Variants in DNAJB4 observed in about 807,000 individuals in gnomAD.
DNAJB4 encodes DnaJ heat shock protein family (Hsp40) member B4.
A neutral mutation model predicts 26.6 loss-of-function variants in DNAJB4; 10 were observed. The ratio of observed to expected loss-of-function variants is 0.38; its 90% CI spans 0.23 to 0.64. The LOEUF (loss-of-function observed/expected upper bound fraction) is 0.64, where lower values mean the gene tolerates loss of function less well. Ranked by LOEUF, DNAJB4 falls within the 30% of genes least tolerant of loss-of-function variation. The pLI, the probability that DNAJB4 is intolerant of heterozygous loss-of-function variation, is 0.58. For synonymous variants in DNAJB4, 136 were observed against 134.8 expected (o/e 1.01, Z -0.06); for missense variants, 328 against 408.2 (o/e 0.80, Z 1.69).
At position 78,017,190 on chromosome 1, in the gene DNAJB4, A is replaced by C. The variant is rs1269914496; in HGVS notation, c.*943A>C. 1 of 152,044 alleles carries C rather than the reference A, an allele frequency of 6.6e-6. No individual in the cohort carries two copies. Among genetic ancestry groups the C allele is most frequent in the Non-Finnish European group, 1.5e-5 (1 of 67,910 alleles). 9.4% of individuals were successfully genotyped at this position (152,044 alleles called of 1,614,324 possible). Reference sequence around the variant, plus strand: ...AAACCAAAATATAGGGAAAATAAACACTAACTGCTGCTTATGGATAATGTT... The same window carrying C: ...AAACCAAAATATAGGGAAAATAAACCCTAACTGCTGCTTATGGATAATGTT... On this transcript the variant is annotated 3_prime_UTR_variant, in exon 3 of 3. Transcript: ENST00000370763.
intron 1 of DNAJB4, among the ~76,000 whole-genome samples, chr1:78,008,642 T>C (rs148708284): frequency 6.6e-6 from 1 of 152,332 alleles, no homozygotes; most frequent in African/African-American, 2.4e-5. Context: ...GATGGAAATG[T>C]TCTATAACTG....
chr1:77,982,624 A>G (rs554316663), intron 1 of DNAJB4, among the ~76,000 whole-genome samples: 1 of 152,176 alleles, frequency 6.6e-6, no homozygotes, highest in African/African-American at 2.4e-5. Context: ...ATAGTGAAAC[A>G]TCGGCTCTAC....
chr1:78,014,215 C>T (rs949351765), intron 2 of DNAJB4, among the ~76,000 whole-genome samples: 2 of 151,532 alleles, frequency 1.3e-5, no homozygotes, highest in Non-Finnish European at 2.9e-5. Flanking sequence ...TCAAGTGATT[C>T]TCTTGCCTCG....
chr1:78,004,936 G>T, upstream of DNAJB4: 1 of 653,954 alleles, frequency 1.5e-6, no homozygotes, highest in South Asian at 1.9e-5. Context: ...GAGCCGTTGG[G>T]GAAGGATTGA....
upstream of DNAJB4, chr1:77,979,186 G>C (rs1659366752): frequency 3.3e-6 from 2 of 614,236 alleles, no homozygotes; most frequent in Admixed American, 3.0e-5. Flanking sequence ...CGCTGGTGTG[G>C]GTTAGGGCTG....
At chr1:77,998,665 C>A (rs950343249) in intron 1 of DNAJB4, among the ~76,000 whole-genome samples, 6 of 151,884 alleles carry the variant, frequency 4.0e-5, no homozygotes, top group African/African-American at 1.5e-4. Context: ...CATGGCGAAA[C>A]CTCATCTGTA....
At chr1:78,002,221 ACTC>A (rs1478655958), upstream of DNAJB4, among the ~76,000 whole-genome samples, 1 of 151,744 alleles carries the variant, frequency 6.6e-6, no homozygotes, top group Non-Finnish European at 1.5e-5. Flanking sequence ...GGCTACCACT[ACTC>A]TCCCTTTTAC....
chr1:78,014,912 A>G (rs910978169), intron 2 of DNAJB4, among the ~76,000 whole-genome samples: 6 of 152,002 alleles, frequency 3.9e-5, no homozygotes, highest in Admixed American at 1.3e-4. Flanking sequence ...AGTTTGCTCT[A>G]TTATTATCTT....
Position 78,016,388 on chromosome 1 carries a change from GTCAAATAA to G in DNAJB4, c.*142_*149del, listed in dbSNP as rs1485767808. Reference sequence around the variant, plus strand: ...CATTAAATTGCATGAATAGAGACGGGTCAAATAAATAGGCAAAAGGGATTTTTACAGTT... The same window carrying G: ...CATTAAATTGCATGAATAGAGACGGGATAGGCAAAAGGGATTTTTACAGTT... On this transcript the variant is annotated 3_prime_UTR_variant, in exon 3 of 3. Coordinates refer to ENST00000370763, the MANE Select transcript of DNAJB4 (RefSeq NM_007034.5). 1.5e-6 allele frequency: 1 copy of G among 663,430 alleles called. No homozygotes were observed. Among genetic ancestry groups the G allele is most frequent in the East Asian group, 2.8e-5 (1 of 35,160 alleles). 41.1% of individuals were successfully genotyped at this position (663,430 alleles called of 1,614,324 possible).
chr1:77,990,779 C>G (rs2102592050), intron 1 of DNAJB4, among the ~76,000 whole-genome samples: 1 of 152,238 alleles, frequency 6.6e-6, no homozygotes, highest in East Asian at 1.9e-4. Flanking sequence ...TATACAGATG[C>G]TATTTCTTAC....
At position 78,013,183 on chromosome 1, in the gene DNAJB4, G is replaced by A. The variant is rs768311310; in HGVS notation, c.344G>A (p.Arg115Gln). 6 of 1,614,160 alleles carry A rather than the reference G, an allele frequency of 3.7e-6. No individual in the cohort carries two copies. The highest frequency in any genetic ancestry group is 1.7e-5 in the Admixed American group (1 of 60,020). The change falls in exon 2 of 3, where the codon CGA (arginine) becomes CAA (glutamine). Residue 115 changes from arginine to glutamine, a missense_variant. Transcript: ENST00000370763. ...SNPFEIFFGR[R>Q]MGGGRDSEEM... is the part of the protein sequence containing the mutation. ...CCCTTTGAAATTTTCTTTGGAAGAC[G>A]AATGGGTGGTGGTAGAGATTCTGAA...
At chr1:78,008,711 G>C (rs1483574140) in intron 1 of DNAJB4, among the ~76,000 whole-genome samples, 1 of 151,990 alleles carries the variant, frequency 6.6e-6, no homozygotes, top group African/African-American at 2.4e-5. Flanking sequence ...AATTGTATTT[G>C]TACAATAGGT....
intron 1 of DNAJB4, 28 bp downstream of exon 1, chr1:78,005,349 C>T (rs1211589132): frequency 2.6e-6 from 4 of 1,517,154 alleles, no homozygotes; most frequent in African/African-American, 1.6e-5. Flanking sequence ...ATCTTTCTGT[C>T]TCTTCAGCTC....
chr1:77,994,410 A>G (rs1660012014), intron 1 of DNAJB4, among the ~76,000 whole-genome samples: 1 of 151,914 alleles, frequency 6.6e-6, no homozygotes, highest in East Asian at 1.9e-4. Context: ...AAAAAAAAAA[A>G]AGAAAAAAAT....
intron 1 of DNAJB4, among the ~76,000 whole-genome samples, chr1:77,988,363 C>T (rs148483078): frequency 5.3e-5 from 8 of 152,266 alleles, no homozygotes; most frequent in Non-Finnish European, 5.9e-5. Context: ...GTCTTTCCCA[C>T]GCTGTTAAGA....
intron 1 of DNAJB4, among the ~76,000 whole-genome samples, chr1:78,012,485 C>T (rs953619969): frequency 7.3e-5 from 11 of 151,600 alleles, no homozygotes; most frequent in East Asian, 2.0e-4. Flanking sequence ...CTTACTTACC[C>T]GTGGAACAAA....
chr1:77,994,583 CTTTTTT>C (rs5775435), intron 1 of DNAJB4, among the ~76,000 whole-genome samples: 9 of 142,106 alleles, frequency 6.3e-5, no homozygotes, highest in Admixed American at 5.6e-4. Flanking sequence ...TACTCTCTCT[CTTTTTT>C]TTTTTTTTTA....
chr1:77,990,518 TAGCC>T (rs936218847), intron 1 of DNAJB4, among the ~76,000 whole-genome samples: 73 of 152,342 alleles, frequency 4.8e-4, no homozygotes, highest in Middle Eastern at 3.4e-3. Flanking sequence ...ATGAGGTAGT[TAGCC>T]AGAGAAATAG....
chr1:77,993,911 A>T (rs374293978), intron 1 of DNAJB4, among the ~76,000 whole-genome samples: 1 of 152,198 alleles, frequency 6.6e-6, no homozygotes, highest in South Asian at 2.1e-4. Context: ...GCTGAATTTT[A>T]TAGTAGTTGG....
Sources: gnomAD v4.1 joint callset for allele counts (sites outside exome capture counted in the v4.1 genomes callset) on GRCh38, gnomAD v4.1.1 for gene constraint, MANE v1.5 for transcripts, NCBI Gene and HGNC (gene_info 2026-07-23, HGNC 2026-07-21) for gene names.